The following ADAMTS17 variants were observed in gnomAD, a reference collection of about 807,000 sequenced individuals.
ADAMTS17 encodes ADAM metallopeptidase with thrombospondin type 1 motif 17, also known as A disintegrin and metalloproteinase with thrombospondin motifs 17.
ADAMTS17 carries 113 observed loss-of-function variants against 141.5 expected under a neutral mutation model. The observed-to-expected ratio is 0.80, with a 90% CI of 0.69 to 0.93. ADAMTS17 has a LOEUF of 0.93. Among genes scored for constraint, ADAMTS17 ranks in the 40% least tolerant of loss-of-function variants. ADAMTS17 has a pLI of 0.00. For synonymous variants in ADAMTS17, 768 were observed against 630.6 expected (o/e 1.22, Z -3.27); for missense variants, 1,659 against 1,517.9 (o/e 1.09, Z -1.54).
At chr15:100,002,213 A>G (rs2060942414) in intron 18 of ADAMTS17, among the ~76,000 whole-genome samples, 1 of 151,690 alleles carries the variant, frequency 6.6e-6, no homozygotes, top group Non-Finnish European at 1.5e-5. Context: ...TTTGCAGTTG[A>G]CTTTGTGAAT....
At position 100,330,902 on chromosome 15, in the gene ADAMTS17, G is replaced by A. The variant is rs1003081883; in HGVS notation, c.603C>T (p.Cys201=). The change falls in exon 3 of 22, where the codon TGC becomes TGT. Residue 201 remains cysteine, a synonymous_variant. Coordinates refer to ENST00000268070, the MANE Select transcript of ADAMTS17 (RefSeq NM_139057.4). ...GCCCCGACTCACCTGTTAGAACCTT[G>A]CAGAGCTGCTCAGGTCTCTGGGCCT... ...SAEAQRPEQL[C]KVLTEKKKPT... is the part of the protein sequence containing the mutation. The A allele has an allele frequency of 4.3e-6, 7 of 1,614,172 alleles. No individual in the cohort carries two copies. Among genetic ancestry groups the A allele is most frequent in the Non-Finnish European group, 5.9e-6 (7 of 1,180,032 alleles).
At chr15:100,032,376 A>G (rs1387412138) in intron 18 of ADAMTS17, among the ~76,000 whole-genome samples, 4 of 152,186 alleles carry the variant, frequency 2.6e-5, no homozygotes, top group African/African-American at 9.7e-5. Context: ...CTTATGTTAG[A>G]TATGTCCTGA....
intron 15 of ADAMTS17, among the ~76,000 whole-genome samples, chr15:100,073,833 G>A (rs919518714): frequency 6.6e-6 from 1 of 151,704 alleles, no homozygotes; most frequent in Non-Finnish European, 1.5e-5. Context: ...GTTGATGGGT[G>A]CAGCACACCA....
chr15:100,173,488 C>A (rs935131022), intron 8 of ADAMTS17, among the ~76,000 whole-genome samples: 2 of 152,170 alleles, frequency 1.3e-5, no homozygotes, highest in African/African-American at 4.8e-5. Context: ...GCTTGCCAAC[C>A]CCCACCTGCT....
chr15:100,097,247 C>T (rs568519581), intron 14 of ADAMTS17, among the ~76,000 whole-genome samples: 1 of 152,254 alleles, frequency 6.6e-6, no homozygotes. Context: ...ATTTACTAGC[C>T]ACATTGCCTA....
At chr15:100,003,849 G>T (rs1050500634) in intron 18 of ADAMTS17, among the ~76,000 whole-genome samples, 2 of 151,156 alleles carry the variant, frequency 1.3e-5, no homozygotes, top group African/African-American at 4.9e-5. Flanking sequence ...AATGATGGTT[G>T]CCAGGAGCTG....
intron 8 of ADAMTS17, among the ~76,000 whole-genome samples, chr15:100,191,528 G>A (rs2141592069): frequency 6.6e-6 from 1 of 152,350 alleles, no homozygotes; most frequent in East Asian, 1.9e-4. Context: ...GGGTTTTCCA[G>A]ACAACTGGAA....
At chr15:100,029,886 C>T (rs2029960662) in intron 18 of ADAMTS17, among the ~76,000 whole-genome samples, 2 of 152,202 alleles carry the variant, frequency 1.3e-5, no homozygotes, top group African/African-American at 4.8e-5. Context: ...TATCAGAGCC[C>T]TAGCTAGAAA....
chr15:100,285,420 T>A (rs2044414818), intron 3 of ADAMTS17, among the ~76,000 whole-genome samples: 1 of 152,244 alleles, frequency 6.6e-6, no homozygotes. Flanking sequence ...AAGCTCTGTA[T>A]GGAACAGATA....
At chr15:100,258,481 T>C (rs4454952) in intron 6 of ADAMTS17, among the ~76,000 whole-genome samples, 47,998 of 152,070 alleles carry the variant, frequency 0.32, 7,798 homozygotes, top group East Asian at 0.49. Context: ...AATGCACTTA[T>C]AGTTCCACAT....
intron 3 of ADAMTS17, among the ~76,000 whole-genome samples, chr15:100,289,720 T>C (rs2044568061): frequency 2.0e-5 from 3 of 152,124 alleles, no homozygotes; most frequent in Admixed American, 1.3e-4. Flanking sequence ...CATATGCAAA[T>C]CAATAATTGT....
chr15:100,240,990 T>C (rs1029952551), intron 7 of ADAMTS17, among the ~76,000 whole-genome samples: 2 of 152,126 alleles, frequency 1.3e-5, no homozygotes, highest in Non-Finnish European at 2.9e-5. Context: ...CAAGCCCACC[T>C]ATTTTTTGTA....
intron 3 of ADAMTS17, among the ~76,000 whole-genome samples, chr15:100,292,069 G>T (rs1162074407): frequency 8.3e-6 from 1 of 120,448 alleles, no homozygotes; most frequent in Non-Finnish European, 1.8e-5. Flanking sequence ...CACGAGAGAC[G>T]CTCAGCCCGT....
intron 7 of ADAMTS17, among the ~76,000 whole-genome samples, chr15:100,238,999 G>A (rs1411124028): frequency 6.6e-6 from 1 of 152,206 alleles, no homozygotes; most frequent in Non-Finnish European, 1.5e-5. Context: ...ACTGAGATGG[G>A]AGAATCACTT....
At chr15:99,992,890 G>A (rs1348233627) in intron 20 of ADAMTS17, among the ~76,000 whole-genome samples, 158 bp downstream of exon 20, 8 of 152,232 alleles carry the variant, frequency 5.3e-5, no homozygotes, top group Admixed American at 6.5e-5. Flanking sequence ...GGAAGCACAC[G>A]GGGTCTTGGG....
chr15:100,073,143 C>G (rs2034104798), intron 15 of ADAMTS17, among the ~76,000 whole-genome samples: 1 of 152,172 alleles, frequency 6.6e-6, no homozygotes, highest in Non-Finnish European at 1.5e-5. Flanking sequence ...ATTTATGCAG[C>G]CAACAGACAC....
intron 4 of ADAMTS17, among the ~76,000 whole-genome samples, chr15:100,276,571 C>T (rs922332982): frequency 2.6e-5 from 4 of 151,720 alleles, no homozygotes; most frequent in African/African-American, 9.7e-5. Context: ...CTATTTCCCA[C>T]AACTCGGAGA....
intron 7 of ADAMTS17, among the ~76,000 whole-genome samples, chr15:100,213,841 C>T (rs1286664821): frequency 6.6e-6 from 1 of 152,238 alleles, no homozygotes; most frequent in Non-Finnish European, 1.5e-5. Flanking sequence ...TAGAGAAGGG[C>T]CATCTGGCCC....
chr15:100,075,501 T>A (rs889470593), intron 15 of ADAMTS17, among the ~76,000 whole-genome samples: 14 of 152,212 alleles, frequency 9.2e-5, no homozygotes, highest in African/African-American at 3.1e-4. Context: ...GTTGTATGAG[T>A]GGCTCCATAA....
Sources: gnomAD v4.1 joint callset for allele counts (sites outside exome capture counted in the v4.1 genomes callset) on GRCh38, gnomAD v4.1.1 for gene constraint, MANE v1.5 for transcripts, NCBI Gene and HGNC (gene_info 2026-07-23, HGNC 2026-07-21) for gene names.